Variants in NRG3 observed in about 807,000 individuals in gnomAD.
NRG3 encodes neuregulin 3, also known as pro-neuregulin-3, membrane-bound isoform.
Under a neutral mutation model 66.9 loss-of-function variants are expected in NRG3, and 31 were observed. The observed-to-expected ratio is 0.46, with a 90% confidence interval of 0.35 to 0.63. NRG3 has a LOEUF of 0.63. Ranked by LOEUF, NRG3 falls within the 20% of genes least tolerant of loss-of-function variation. The pLI, the probability that NRG3 is intolerant of heterozygous loss-of-function variation, is 0.00. For synonymous variants in NRG3, 393 were observed against 359.4 expected (o/e 1.09, Z -1.06); for missense variants, 910 against 878.9 (o/e 1.04, Z -0.45).
chr10:82,950,682 G>A (rs762278927), intron 4 of NRG3, among the ~76,000 whole-genome samples: 1 of 152,182 alleles, frequency 6.6e-6, no homozygotes, highest in Admixed American at 6.5e-5. Flanking sequence ...TAAACAGAAA[G>A]ATGAAGACAA....
chr10:82,131,434 C>T (rs1463245332), intron 1 of NRG3, among the ~76,000 whole-genome samples: 1 of 152,136 alleles, frequency 6.6e-6, no homozygotes, highest in Non-Finnish European at 1.5e-5. Flanking sequence ...GTTTGGGTTA[C>T]AATAGCTCTG....
intron 1 of NRG3, among the ~76,000 whole-genome samples, chr10:82,051,033 T>A (rs1325741438): frequency 6.6e-6 from 1 of 152,082 alleles, no homozygotes; most frequent in Admixed American, 6.6e-5. Context: ...TGGGAGCCAT[T>A]TAATGGCAGT....
At chr10:82,463,688 T>C (rs1937969) in intron 2 of NRG3, among the ~76,000 whole-genome samples, 50,015 of 152,114 alleles carry the variant, frequency 0.33, 9,398 homozygotes, top group African/African-American at 0.51. Flanking sequence ...GCTGGATAAC[T>C]GGGCAAAGTC....
intron 2 of NRG3, among the ~76,000 whole-genome samples, chr10:82,415,519 G>A (rs2088488090): frequency 1.3e-5 from 2 of 152,102 alleles, no homozygotes; most frequent in South Asian, 4.1e-4. Context: ...AATTGTCAGT[G>A]GGAAACTGCC....
chr10:82,714,358 TAAGATGCCTGCTGTGAGCAGCTGCAGA>T (rs1314372628), intron 2 of NRG3, among the ~76,000 whole-genome samples: 2 of 152,186 alleles, frequency 1.3e-5, no homozygotes, highest in Non-Finnish European at 2.9e-5. Flanking sequence ...CTTTCCACAG[TAAGATGCCTGCTGTGAGCAGCTGCAGA>T]AAGCAGCTCT....
intron 2 of NRG3, among the ~76,000 whole-genome samples, chr10:82,413,137 A>C (rs1018474931): frequency 1.3e-5 from 2 of 152,174 alleles, no homozygotes; most frequent in Non-Finnish European, 2.9e-5. Context: ...AAGGTTTTCA[A>C]TTTACATTGC....
intron 1 of NRG3, among the ~76,000 whole-genome samples, chr10:81,946,784 G>A (rs1479469783): frequency 6.6e-6 from 1 of 152,182 alleles, no homozygotes; most frequent in African/African-American, 2.4e-5. Context: ...CTCATGCTCC[G>A]AACAGACTTC....
intron 5 of NRG3, among the ~76,000 whole-genome samples, chr10:82,952,203 C>T (rs1418916562): frequency 6.6e-6 from 1 of 152,040 alleles, no homozygotes; most frequent in East Asian, 1.9e-4. Context: ...GGGGCCGAGG[C>T]AAGTGGATCA....
At chr10:82,391,716 A>G (rs569538798) in intron 2 of NRG3, among the ~76,000 whole-genome samples, 1 of 152,150 alleles carries the variant, frequency 6.6e-6, no homozygotes, top group South Asian at 2.1e-4. Flanking sequence ...TCACCAATCC[A>G]TATTTAAAGA....
At chr10:81,992,582 A>T (rs143974330) in intron 1 of NRG3, among the ~76,000 whole-genome samples, 1 of 152,328 alleles carries the variant, frequency 6.6e-6, no homozygotes, top group East Asian at 1.9e-4. Flanking sequence ...TCTTTGCATT[A>T]TTGCAAATAC....
intron 3 of NRG3, among the ~76,000 whole-genome samples, chr10:82,801,103 G>A (rs1008381464): frequency 6.6e-6 from 1 of 152,190 alleles, no homozygotes; most frequent in African/African-American, 2.4e-5. Context: ...CTGAGTCCTG[G>A]GAAAAGGAGC....
intron 1 of NRG3, among the ~76,000 whole-genome samples, chr10:82,188,040 C>T (rs56192475): frequency 1.2e-3 from 182 of 151,950 alleles, no homozygotes; most frequent in Non-Finnish European, 2.1e-3. Context: ...CTGAAGGAAT[C>T]ATATTTCCTG....
intron 1 of NRG3, among the ~76,000 whole-genome samples, chr10:82,196,529 T>C (rs1166742340): frequency 6.6e-6 from 1 of 152,174 alleles, no homozygotes; most frequent in Admixed American, 6.5e-5. Flanking sequence ...AAGACTCCAT[T>C]TGCTCATCAC....
At chr10:82,391,995 A>AAAG (rs2086400024) in intron 2 of NRG3, among the ~76,000 whole-genome samples, 1 of 137,150 alleles carries the variant, frequency 7.3e-6, no homozygotes, top group Admixed American at 7.1e-5. Context: ...AGCACATGCA[A>AAAG]AAAAAAAAAA....
In NRG3 at chr10:82,505,528, A is replaced by C. The variant is rs138278879; in HGVS notation, c.953+146660A>C. ...CACAGGAAGTCTCAGGCTCATTGAG[A>C]TCTAGTTAGGGCTCTGTCACTCACT... On this transcript the variant is annotated intron_variant, in intron 2 of 8. Transcript: ENST00000372141. Among the ~76,000 whole-genome samples, 1,175 of 152,258 alleles carry C rather than the reference A, an allele frequency of 7.7e-3. 16 individuals are homozygous for C. Among genetic ancestry groups the C allele is most frequent in the African/African-American group, 0.027 (1,130 of 41,554 alleles).
chr10:82,683,890 C>T (rs562185462), intron 2 of NRG3, among the ~76,000 whole-genome samples: 3 of 152,048 alleles, frequency 2.0e-5, no homozygotes, highest in Non-Finnish European at 4.4e-5. Flanking sequence ...CTAAACTATA[C>T]GCAGGCAAAA....
chr10:82,250,584 G>A (rs369890339), intron 1 of NRG3, among the ~76,000 whole-genome samples: 68 of 152,202 alleles, frequency 4.5e-4, no homozygotes, highest in African/African-American at 1.1e-3. Context: ...GCGAAACTCC[G>A]TCTCAAAAAA....
rs559535176 is a variant in NRG3 at position 82,810,655 on chromosome 10, C to T, written c.1028-54756C>T. Among the ~76,000 whole-genome samples the T allele has an allele frequency of 1.9e-4, 28 of 148,312 alleles. No individual in the cohort carries two copies. The East Asian group carries it at 5.7e-3, about 30-fold the overall frequency. ...GTGGGTGCCTGTAATCCCAGCAACT[C>T]GGGAGGCGGAGGCAGGAGAATCACT... On this transcript the variant is annotated intron_variant, in intron 3 of 8. Transcript: ENST00000372141.
At chr10:82,738,519 A>AG in intron 2 of NRG3, 58 bp from the exon 3 acceptor site, 1 of 1,358,048 alleles carries the variant, frequency 7.4e-7, no homozygotes, top group Non-Finnish European at 1.1e-6. Context: ...TTACTTGTTG[A>AG]AATCTTAAGT....
Sources: gnomAD v4.1 joint callset for allele counts (sites outside exome capture counted in the v4.1 genomes callset) on GRCh38, gnomAD v4.1.1 for gene constraint, MANE v1.5 for transcripts, NCBI Gene and HGNC (gene_info 2026-07-23, HGNC 2026-07-21) for gene names.